Variants in CDH18 observed in about 807,000 individuals in gnomAD.
CDH18 encodes the protein cadherin-18.
In CDH18, 31 loss-of-function variants were observed where a neutral mutation model predicts 67.9. That is an observed-to-expected ratio of 0.46 (90% CI 0.34 to 0.62). CDH18 has a LOEUF of 0.62. Among genes scored for constraint, CDH18 ranks in the 20% least tolerant of loss-of-function variants. The pLI is 0.01. For missense variants in CDH18, 890 were observed against 975.5 expected (o/e 0.91, Z 1.17); for synonymous variants, 362 against 347.2 (o/e 1.04, Z -0.48).
At chr5:20,116,605 A>T (rs1021989005) in intron 2 of CDH18, among the ~76,000 whole-genome samples, 2 of 152,220 alleles carry the variant, frequency 1.3e-5, no homozygotes, top group Admixed American at 1.3e-4. Flanking sequence ...TATTAACAGC[A>T]AATTAACCAC....
At chr5:20,527,832 C>T (rs1450541107) in intron 1 of CDH18, among the ~76,000 whole-genome samples, 2 of 152,092 alleles carry the variant, frequency 1.3e-5, no homozygotes, top group Non-Finnish European at 2.9e-5. Context: ...GCCAATGACA[C>T]TATGAAGCAA....
At chr5:20,163,637 T>C (rs1470370513) in intron 2 of CDH18, among the ~76,000 whole-genome samples, 2 of 152,208 alleles carry the variant, frequency 1.3e-5, no homozygotes, top group Non-Finnish European at 2.9e-5. Flanking sequence ...CAGCAGCCAA[T>C]GTGCATTTAG....
intron 2 of CDH18, among the ~76,000 whole-genome samples, chr5:19,912,973 C>T (rs1050743622): frequency 5.3e-5 from 8 of 152,024 alleles, no homozygotes; most frequent in Non-Finnish European, 1.2e-4. Context: ...TATGAGAAGG[C>T]TTTGAAGCAT....
intron 2 of CDH18, among the ~76,000 whole-genome samples, chr5:20,113,990 T>C (rs1454882827): frequency 1.3e-5 from 2 of 152,242 alleles, no homozygotes; most frequent in Non-Finnish European, 2.9e-5. Flanking sequence ...TACATTATTA[T>C]TGATTGCTGC....
intron 1 of CDH18, among the ~76,000 whole-genome samples, chr5:20,386,528 C>T (rs542696197): frequency 6.6e-6 from 1 of 152,206 alleles, no homozygotes; most frequent in South Asian, 2.1e-4. Context: ...AATAACATTA[C>T]TAATATATCC....
intron 1 of CDH18, among the ~76,000 whole-genome samples, chr5:20,365,415 A>G (rs1209055266): frequency 6.6e-6 from 1 of 152,198 alleles, no homozygotes; most frequent in Non-Finnish European, 1.5e-5. Context: ...TCCACAAGCA[A>G]TTCCTGATCT....
chr5:19,553,184 T>C (rs1206949939), intron 8 of CDH18, among the ~76,000 whole-genome samples: 2 of 152,172 alleles, frequency 1.3e-5, no homozygotes, highest in Non-Finnish European at 2.9e-5. Context: ...ACATTCGTGA[T>C]AATCAATACT....
At chr5:20,357,813 AT>A (rs1741758192) in intron 1 of CDH18, among the ~76,000 whole-genome samples, 1 of 152,212 alleles carries the variant, frequency 6.6e-6, no homozygotes, top group African/African-American at 2.4e-5. Context: ...CCAAAGGAAA[AT>A]AAATGATTCT....
chr5:19,748,112 C>CAAAAAAAAAAAAAAAAAAACAAAAAAAAA (rs1770329856), intron 3 of CDH18, among the ~76,000 whole-genome samples: 1 of 14,858 alleles, frequency 6.7e-5, no homozygotes, highest in African/African-American at 1.8e-4. Context: ...GACTCCATCT[C>CAAAAAAAAAAAAAAAAAAACAAAAAAAAA]AAAAAAAAAA....
chr5:19,844,577 T>A (rs1782714916), intron 2 of CDH18, among the ~76,000 whole-genome samples: 1 of 152,168 alleles, frequency 6.6e-6, no homozygotes. Flanking sequence ...AATGGACTAA[T>A]ACAGGAACCA....
chr5:20,453,159 T>G lies in CDH18; in HGVS notation c.-580+122303A>C, dbSNP rs1256614205. Among the ~76,000 whole-genome samples the G allele has an allele frequency of 2.0e-5, 3 of 152,294 alleles. No individual in the cohort carries two copies. In the East Asian group the frequency reaches 5.8e-4, roughly 29 times the overall value. Reference sequence around the variant, plus strand: ...CTGGTACTCATGACTATACCATTCATGTGGAAGGCTGATGTGGTAGAGAGA... The same window carrying G: ...CTGGTACTCATGACTATACCATTCAGGTGGAAGGCTGATGTGGTAGAGAGA... On this transcript the variant is annotated intron_variant, in intron 1 of 14. Transcript: ENST00000507958.
At chr5:20,564,617 A>G (rs1302475396) in intron 1 of CDH18, among the ~76,000 whole-genome samples, 1 of 152,164 alleles carries the variant, frequency 6.6e-6, no homozygotes, top group Non-Finnish European at 1.5e-5. Flanking sequence ...AGCAATGAAC[A>G]AGGCAAAGTT....
intron 5 of CDH18, among the ~76,000 whole-genome samples, chr5:19,660,335 A>C (rs1404455411): frequency 6.6e-6 from 1 of 152,124 alleles, no homozygotes; most frequent in South Asian, 2.1e-4. Context: ...AACATTTCTC[A>C]TTTTTTACAG....
chr5:19,917,276 T>C (rs773830711), intron 2 of CDH18, among the ~76,000 whole-genome samples: 16 of 152,136 alleles, frequency 1.1e-4, no homozygotes, highest in Non-Finnish European at 2.1e-4. Context: ...TGGGGGATCT[T>C]TTGTGTCAAA....
At chr5:20,381,167 A>G (rs2150100385) in intron 1 of CDH18, among the ~76,000 whole-genome samples, 1 of 152,276 alleles carries the variant, frequency 6.6e-6, no homozygotes, top group Admixed American at 6.5e-5. Context: ...AGAAGGCACA[A>G]AAGAAAAAAT....
intron 2 of CDH18, among the ~76,000 whole-genome samples, chr5:19,891,894 G>A (rs1181624304): frequency 6.6e-6 from 1 of 152,182 alleles, no homozygotes; most frequent in Non-Finnish European, 1.5e-5. Flanking sequence ...CAGGAGAGAA[G>A]GACACTTCGA....
intron 2 of CDH18, among the ~76,000 whole-genome samples, chr5:20,152,340 G>T (rs1328644806): frequency 6.7e-6 from 1 of 149,660 alleles, no homozygotes; most frequent in Non-Finnish European, 1.5e-5. Context: ...ATTTCTTTAA[G>T]ACTTTCTGTT....
intron 4 of CDH18, among the ~76,000 whole-genome samples, chr5:19,727,930 A>G (rs1354305544): frequency 6.6e-6 from 1 of 152,188 alleles, no homozygotes; most frequent in Non-Finnish European, 1.5e-5. Flanking sequence ...AAAGAATTTT[A>G]TCACTCGTTA....
chr5:20,244,012 C>T (rs190011663), intron 2 of CDH18, among the ~76,000 whole-genome samples: 223 of 152,122 alleles, frequency 1.5e-3, no homozygotes, highest in Non-Finnish European at 1.7e-3. Context: ...TTTGACATTC[C>T]TGAGTTAAAA....
Sources: gnomAD v4.1 joint callset for allele counts (sites outside exome capture counted in the v4.1 genomes callset) on GRCh38, gnomAD v4.1.1 for gene constraint, MANE v1.5 for transcripts, NCBI Gene and HGNC (gene_info 2026-07-23, HGNC 2026-07-21) for gene names.